The following CAMKMT variants were observed in gnomAD, a reference collection of about 807,000 sequenced individuals.
The protein encoded by CAMKMT is calmodulin-lysine N-methyltransferase.
A neutral mutation model predicts 48.0 loss-of-function variants in CAMKMT; 53 were observed. The ratio of observed to expected loss-of-function variants is 1.10; its 90% CI spans 0.89 to 1.39. CAMKMT has a LOEUF of 1.39. Ranked by LOEUF, CAMKMT falls within the 40% of genes most tolerant of loss-of-function variation. The probability of loss-of-function intolerance (pLI) is 0.00; values close to 1 mark genes in which losing one functional copy is unlikely to be tolerated. For missense variants in CAMKMT, 428 were observed against 402.7 expected, an observed-to-expected ratio of 1.06 and a Z score of -0.54; for synonymous variants, 165 against 152.3, an observed-to-expected ratio of 1.08 and a Z score of -0.61.
chr2:44,628,358 T>TC (rs1488777586), intron 3 of CAMKMT, among the ~76,000 whole-genome samples: 3 of 152,148 alleles, frequency 2.0e-5, no homozygotes, highest in African/African-American at 7.2e-5. Flanking sequence ...TCATTGTTTT[T>TC]CTCTATTGTT....
chr2:44,732,240 C>G (rs1292288884), intron 7 of CAMKMT, among the ~76,000 whole-genome samples: 1 of 152,166 alleles, frequency 6.6e-6, no homozygotes, highest in Non-Finnish European at 1.5e-5. Context: ...AGGCATGAGC[C>G]ATAGTGCCCA....
intron 3 of CAMKMT, among the ~76,000 whole-genome samples, chr2:44,686,379 C>G (rs563970543): frequency 7.0e-6 from 1 of 142,320 alleles, no homozygotes; most frequent in African/African-American, 2.6e-5. Flanking sequence ...GGCAACAGAG[C>G]GAGACTCTGC....
chr2:44,682,414 C>T (rs1232948198), intron 3 of CAMKMT, among the ~76,000 whole-genome samples: 3 of 152,030 alleles, frequency 2.0e-5, no homozygotes, highest in Non-Finnish European at 4.4e-5. Context: ...GATGACAGGA[C>T]TGTAATTTTA....
rs189941434 is a variant in CAMKMT at position 44,691,211 on chromosome 2, G to T, written c.377-13072G>T. Among the ~76,000 whole-genome samples the T allele has an allele frequency of 2.0e-3, 307 of 152,302 alleles. 1 individual carries two copies. Among genetic ancestry groups the T allele is most frequent in the African/African-American group, 7.0e-3 (292 of 41,554 alleles). ...TCTAAGCCACTGCGGTGATGGCTATGACCGCCGTGCATTTCTTTTTCTCAG... is the reference window on the plus strand; with the variant it reads ...TCTAAGCCACTGCGGTGATGGCTATTACCGCCGTGCATTTCTTTTTCTCAG... On this transcript the variant is annotated intron_variant, in intron 3 of 10. Transcript: ENST00000378494.
intron 3 of CAMKMT, among the ~76,000 whole-genome samples, chr2:44,500,976 C>T (rs1669979470): frequency 1.3e-5 from 2 of 151,700 alleles, no homozygotes; most frequent in South Asian, 4.2e-4. Context: ...GTCATCATGC[C>T]CAGCCTCAGA....
chr2:44,475,521 T>C (rs902046690), intron 3 of CAMKMT, among the ~76,000 whole-genome samples: 1 of 152,138 alleles, frequency 6.6e-6, no homozygotes, highest in African/African-American at 2.4e-5. Context: ...TTTCACCATG[T>C]TGGCCAGGAT....
At chr2:44,707,999 G>A (rs980005539) in intron 6 of CAMKMT, among the ~76,000 whole-genome samples, 6 of 151,996 alleles carry the variant, frequency 3.9e-5, no homozygotes, top group Non-Finnish European at 7.4e-5. Flanking sequence ...GATTATACAA[G>A]CTATCTCTAT....
chr2:44,658,423 A>T (rs1441401258), intron 3 of CAMKMT, among the ~76,000 whole-genome samples: 2 of 152,210 alleles, frequency 1.3e-5, no homozygotes, highest in Non-Finnish European at 2.9e-5. Context: ...ACCGCCCTAC[A>T]CAGTGGGCTA....
At chr2:44,608,642 C>T (rs1207546647) in intron 3 of CAMKMT, among the ~76,000 whole-genome samples, 1 of 152,112 alleles carries the variant, frequency 6.6e-6, no homozygotes, top group Admixed American at 6.5e-5. Flanking sequence ...TTTCCTCCCT[C>T]TTGATTATCT....
At chr2:44,372,090 C>G (rs1316378012) in intron 1 of CAMKMT, among the ~76,000 whole-genome samples, 2 of 152,184 alleles carry the variant, frequency 1.3e-5, no homozygotes, top group South Asian at 4.1e-4. Context: ...AAAGAAGCAG[C>G]TTATCTTCTT....
At chr2:44,675,567 T>A (rs1675637548) in intron 3 of CAMKMT, among the ~76,000 whole-genome samples, 1 of 152,250 alleles carries the variant, frequency 6.6e-6, no homozygotes, top group Non-Finnish European at 1.5e-5. Flanking sequence ...TGTCAGATGT[T>A]GTGCCAAGTT....
rs574494194 is a variant in CAMKMT at position 44,620,755 on chromosome 2, C to G, written c.377-83528C>G. 1.5e-3 allele frequency among the ~76,000 whole-genome samples: 232 copies of G among 152,298 alleles called. 1 individual carries two copies. Among genetic ancestry groups the G allele is most frequent in the African/African-American group, 5.4e-3 (224 of 41,564 alleles). On this transcript the variant is annotated intron_variant, in intron 3 of 10. Coordinates refer to ENST00000378494, the MANE Select transcript of CAMKMT (RefSeq NM_024766.5). Reference sequence around the variant, plus strand: ...CCCTCTGTTTCAAAACAAACAGATTCTTTCTTCCAAAAAAGTTAATGTTTA... The same window carrying G: ...CCCTCTGTTTCAAAACAAACAGATTGTTTCTTCCAAAAAAGTTAATGTTTA...
intron 3 of CAMKMT, among the ~76,000 whole-genome samples, chr2:44,429,365 C>T (rs1475578131): frequency 6.6e-6 from 1 of 151,334 alleles, no homozygotes; most frequent in Non-Finnish European, 1.5e-5. Flanking sequence ...CTGGATAATA[C>T]ATATTATATT....
rs777078703 is a variant in CAMKMT at position 44,362,125 on chromosome 2, C to G, written c.118C>G (p.Arg40Gly). The G allele has an allele frequency of 5.8e-5, 85 of 1,476,140 alleles. No homozygotes were observed. The highest frequency in any genetic ancestry group is 6.8e-5 in the Non-Finnish European group (77 of 1,124,702). 91.4% of individuals were successfully genotyped at this position (1,476,140 alleles called of 1,614,324 possible). A position where few individuals can be genotyped will look rare whatever the true frequency, so the allele number is the denominator to read the frequency against. The change falls in exon 1 of 11, where the codon CGG becomes GGG. Residue 40 changes from arginine (R) to glycine (G), a missense_variant. Physicochemically the swap from Arg to Gly is moderately radical, Grantham distance 125. Transcript: ENST00000378494. The part of the protein sequence containing the change: ...PVVSAPLGAA[R>G]WKLLRQVLKQ... ...AGTCTCGGCGCCCCTGGGAGCCGCC[C>G]GGTGGAAGCTCCTGCGGCAGGTAAG... is the stretch of plus-strand genomic sequence containing the variant.
At chr2:44,703,820 AT>A (rs1677394286) in intron 3 of CAMKMT, among the ~76,000 whole-genome samples, 1 of 150,740 alleles carries the variant, frequency 6.6e-6, no homozygotes, top group Admixed American at 6.6e-5. Flanking sequence ...GTTTAAAAAT[AT>A]TAGCATGGAA....
In CAMKMT at chr2:44,768,358, TATA is replaced by T. The variant is rs1246576645; in HGVS notation, c.894+1798_894+1800del. Among the ~76,000 whole-genome samples the T allele has an allele frequency of 7.6e-3, 728 of 95,452 alleles. 4 individuals carry two copies. The highest frequency in any genetic ancestry group is 0.029 in the African/African-American group (690 of 23,538). The allele number at this position is 95,452 out of a possible 152,430, so 62.6% of individuals were successfully genotyped here. A position where few individuals can be genotyped will look rare whatever the true frequency, so the allele number is the denominator to read the frequency against. On this transcript the variant is annotated intron_variant, in intron 10 of 10. Coordinates refer to ENST00000378494, the MANE Select transcript of CAMKMT (RefSeq NM_024766.5). ...GGCGCCCATGATATATATATATATA[TATA>T]TTTTTTTTTTTTTTTTAATAATGAG...
chr2:44,707,385 C>CTTTTTTTTTTTTT lies in CAMKMT; in HGVS notation c.493-4_493-3insTTTTTTTTTTTTT. ...ATTTGCTCATTGTTTGCTGTGCTCC[C>CTTTTTTTTTTTTT]TTTTTTTTTTCAGGTTGCTATTTCT... On this transcript the variant is annotated splice_polypyrimidine_tract_variant and intron_variant, in intron 5 of 10. Coordinates refer to ENST00000378494, the MANE Select transcript of CAMKMT (RefSeq NM_024766.5). 1 of 1,380,390 alleles carries CTTTTTTTTTTTTT rather than the reference C, an allele frequency of 7.2e-7. No individual in the cohort carries two copies. Among genetic ancestry groups the CTTTTTTTTTTTTT allele is most frequent in the African/African-American group, 1.5e-5 (1 of 68,184 alleles). The allele number at this position is 1,380,390 out of a possible 1,614,324, so 85.5% of individuals were successfully genotyped here.
chr2:44,389,589 A>G (rs1085485), intron 2 of CAMKMT, among the ~76,000 whole-genome samples: 81,799 of 151,922 alleles, frequency 0.54, 23,573 homozygotes, highest in Non-Finnish European at 0.65. Context: ...CTCAAACTCT[A>G]TGACCTATTG....
chr2:44,497,740 A>AGAGAGAGAGAGAGAGAGG (rs1669822220), intron 3 of CAMKMT, among the ~76,000 whole-genome samples: 1 of 150,968 alleles, frequency 6.6e-6, no homozygotes, highest in Non-Finnish European at 1.5e-5. Context: ...AGAGAGAGAG[A>AGAGAGAGAGAGAGAGAGG]GAGGGATAGT....
Sources: allele counts gnomAD v4.1 joint callset (sites outside exome capture counted in the v4.1 genomes callset), GRCh38; gene constraint gnomAD v4.1.1; transcripts MANE v1.5; gene names NCBI Gene and HGNC (gene_info 2026-07-23, HGNC 2026-07-21).